The following KLHL6 variants were observed in gnomAD, a reference collection of about 807,000 sequenced individuals.
KLHL6 encodes kelch-like protein 6.
KLHL6 carries 41 observed loss-of-function variants against 58.6 expected under a neutral mutation model. That is an observed-to-expected ratio of 0.70 (90% CI 0.55 to 0.91). KLHL6 has a LOEUF of 0.91. Ranked by LOEUF, KLHL6 falls within the 40% of genes least tolerant of loss-of-function variation. The pLI, the probability that KLHL6 is intolerant of heterozygous loss-of-function variation, is 0.00. For synonymous variants in KLHL6, 338 were observed against 322.7 expected (o/e 1.05, Z -0.51); for missense variants, 714 against 805.6 (o/e 0.89, Z 1.38).
At position 183,489,690 on chromosome 3, in the gene KLHL6, T is replaced by C. The variant is rs564535508; in HGVS notation, c.*2237A>G. Reference sequence around the variant, plus strand: ...CTAAAATTCCACAAATATGTTTCTATTGCCCTGTGTTACTTTCCACAGCAG... The same window carrying C: ...CTAAAATTCCACAAATATGTTTCTACTGCCCTGTGTTACTTTCCACAGCAG... On this transcript the variant is annotated 3_prime_UTR_variant, in exon 7 of 7. Coordinates refer to ENST00000341319, the MANE Select transcript of KLHL6 (RefSeq NM_130446.4). The C allele has an allele frequency of 2.0e-5, 3 of 152,344 alleles. No individual in the cohort carries two copies. Among genetic ancestry groups the C allele is most frequent in the African/African-American group, 7.2e-5 (3 of 41,586 alleles). The allele number at this position is 152,344 out of a possible 1,614,324, so 9.4% of individuals were successfully genotyped here.
intron 2 of KLHL6, among the ~76,000 whole-genome samples, chr3:183,523,310 TG>T (rs1382273785): frequency 6.6e-6 from 1 of 152,238 alleles, no homozygotes; most frequent in Non-Finnish European, 1.5e-5. Flanking sequence ...ATTAGCCTCA[TG>T]CGCATTCATC....
In KLHL6 at chr3:183,492,205, C is replaced by G. The variant is rs200447774; in HGVS notation, c.1588G>C (p.Ala530Pro). The G allele has an allele frequency of 6.2e-7, 1 of 1,607,620 alleles. No individual in the cohort carries two copies. Among genetic ancestry groups the G allele is most frequent in the East Asian group, 2.2e-5 (1 of 44,756 alleles). The change falls in exon 7 of 7, where the codon GCC becomes CCC. Residue 530 changes from alanine to proline, a missense_variant. By Grantham distance (27) the Ala-to-Pro change is conservative. Coordinates refer to ENST00000341319, the MANE Select transcript of KLHL6 (RefSeq NM_130446.4). The surrounding 1 kb of genome is among the most constrained non-coding windows in gnomAD (Gnocchi z 5.9). ...CAGCTGTCTTCCAGCGGGCTGTAGG[C>G]GTACAGCGCTCTCATGGCCCCACCT... ...VVGGAMRALY[A>P]YSPLEDSWCL...
At chr3:183,529,646 A>G (rs756429382) in intron 1 of KLHL6, among the ~76,000 whole-genome samples, 21 of 152,144 alleles carry the variant, frequency 1.4e-4, no homozygotes, top group Non-Finnish European at 2.5e-4. Context: ...TCTGGCCAAC[A>G]TGGTGAAACT....
chr3:183,551,181 A>G (rs1054569083), intron 1 of KLHL6, among the ~76,000 whole-genome samples: 18 of 151,926 alleles, frequency 1.2e-4, no homozygotes, highest in Admixed American at 1.1e-3. Flanking sequence ...TTATTGGAGA[A>G]TGTGCTTATC....
chr3:183,523,337 G>C lies in KLHL6; in HGVS notation c.459+4508C>G, dbSNP rs554334698. Among the ~76,000 whole-genome samples the C allele has an allele frequency of 2.9e-3, 448 of 152,278 alleles. 2 individuals are homozygous for C. The highest frequency in any genetic ancestry group is 4.3e-3 in the Non-Finnish European group (293 of 68,020). ...CGCATTCATCCTATTGTAAACAAAG[G>C]CAATCCTAGGGAAATAAGCAACACT... On this transcript the variant is annotated intron_variant, in intron 2 of 6. Coordinates refer to ENST00000341319, the MANE Select transcript of KLHL6 (RefSeq NM_130446.4).
intron 1 of KLHL6, among the ~76,000 whole-genome samples, chr3:183,534,824 C>T (rs1033377902): frequency 4.6e-5 from 7 of 151,616 alleles, no homozygotes; most frequent in Admixed American, 3.3e-4. Flanking sequence ...ATGACTAATG[C>T]GATAACTTAC....
chr3:183,540,975 A>G (rs187656272), intron 1 of KLHL6, among the ~76,000 whole-genome samples: 43 of 151,982 alleles, frequency 2.8e-4, no homozygotes, highest in African/African-American at 9.9e-4. Flanking sequence ...GAGGCTCCAC[A>G]TGACCCTCTT....
intron 1 of KLHL6, among the ~76,000 whole-genome samples, chr3:183,539,831 C>A (rs1019330116): frequency 6.6e-6 from 1 of 152,164 alleles, no homozygotes; most frequent in Admixed American, 6.5e-5. Flanking sequence ...CCTAGGGAAG[C>A]AGAATCCCTC....
chr3:183,491,929 A>G lies in KLHL6; in HGVS notation c.1864T>C (p.Ter622ArgextTer42). 4 of 1,475,634 alleles carry G rather than the reference A, an allele frequency of 2.7e-6. No homozygotes were observed. Among genetic ancestry groups the G allele is most frequent in the Non-Finnish European group, 3.6e-6 (4 of 1,109,212 alleles). 91.4% of individuals were successfully genotyped at this position (1,475,634 alleles called of 1,614,324 possible). A position where few individuals can be genotyped will look rare whatever the true frequency, so the allele number is the denominator to read the frequency against. Residue 622 changes from the stop codon to arginine (R), a stop_lost, in exon 7 of 7, where the codon TGA (stop) becomes CGA (arginine). Coordinates refer to ENST00000341319, the MANE Select transcript of KLHL6 (RefSeq NM_130446.4). ...RRIVPGAVSV[*>R] The stretch of plus-strand genomic sequence containing the variant: ...CTCTCCAGCTCCCCATCCTGCCGTC[A>G]GACAGACACTGCTCCGGGCACGATC...
At chr3:183,533,666 G>A (rs1712231744) in intron 1 of KLHL6, among the ~76,000 whole-genome samples, 1 of 152,112 alleles carries the variant, frequency 6.6e-6, no homozygotes, top group South Asian at 2.1e-4. Context: ...GACTTCCAGA[G>A]AGAGAACGAG....
chr3:183,519,825 G>A lies in KLHL6; in HGVS notation c.459+8020C>T, dbSNP rs1472206744. On this transcript the variant is annotated intron_variant, in intron 2 of 6. Transcript: ENST00000341319. Reference sequence around the variant, plus strand: ...GTAGGAAAATCTCTTGAGCCTGGGAGTTCAAGGCTGCAGTGAGCTATGATT... The same window carrying A: ...GTAGGAAAATCTCTTGAGCCTGGGAATTCAAGGCTGCAGTGAGCTATGATT... 3.4e-5 allele frequency among the ~76,000 whole-genome samples: 5 copies of A among 144,936 alleles called. No homozygotes were observed. In the Admixed American group the frequency reaches 3.6e-4, roughly 10 times the overall value.
At chr3:183,511,830 G>C (rs1020668663) in intron 2 of KLHL6, among the ~76,000 whole-genome samples, 1 of 152,124 alleles carries the variant, frequency 6.6e-6, no homozygotes, top group Non-Finnish European at 1.5e-5. Context: ...AGCATCTCAG[G>C]GCAGAGCAAT....
rs550380154 is a variant in KLHL6, at chr3:183,501,694, G to C, written c.910-1867C>G. ...TGCTGGCTAAATTTCCTGGGTCCCT[G>C]CCTGCTGCCTGGATCTCCCCATAAT... On this transcript the variant is annotated intron_variant, in intron 3 of 6. Transcript: ENST00000341319. Among the ~76,000 whole-genome samples the C allele has an allele frequency of 5.3e-5, 8 of 152,212 alleles. No individual in the cohort carries two copies. In the South Asian group the frequency reaches 1.0e-3, roughly 20 times the overall value.
intron 4 of KLHL6, among the ~76,000 whole-genome samples, chr3:183,498,901 C>A (rs1453067097): frequency 3.3e-5 from 5 of 152,228 alleles, no homozygotes; most frequent in African/African-American, 1.2e-4. Flanking sequence ...AGGGGAAGGG[C>A]AGACGTGTTT....
rs1360208687 is a variant in KLHL6, at chr3:183,508,061, C to G, written c.907G>C (p.Glu303Gln). ...EARMYHLSGN[E>Q]IISERTKPRM... ...AGCACCTCTTATCTTCTACTCACCT[C>G]ATTGCCAGAAAGGTGGTACATCCTG... Residue 303 changes from glutamate (E) to glutamine (Q), a missense_variant and splice_region_variant, in exon 3 of 7, where the codon GAG (glutamate) becomes CAG (glutamine). Physicochemically the swap from Glu to Gln is conservative, Grantham distance 29 (BLOSUM62 2). This residue lies in a region of KLHL6 where 510 missense variants were observed against 629.7 expected (regional missense o/e 0.81). Coordinates refer to ENST00000341319, the MANE Select transcript of KLHL6 (RefSeq NM_130446.4). 1 of 1,613,118 alleles carries G rather than the reference C, an allele frequency of 6.2e-7. No homozygotes were observed. Among genetic ancestry groups the G allele is most frequent in the East Asian group, 2.2e-5 (1 of 44,864 alleles).
At chr3:183,500,246 A>G (rs1453342837) in intron 3 of KLHL6, among the ~76,000 whole-genome samples, 2 of 152,074 alleles carry the variant, frequency 1.3e-5, no homozygotes, top group Admixed American at 1.3e-4. Flanking sequence ...TCTTGATGAT[A>G]CCTCAGACTT....
At chr3:183,494,032 C>T (rs781272077) in intron 5 of KLHL6, 47 bp downstream of exon 5, 5 of 1,538,158 alleles carry the variant, frequency 3.3e-6, no homozygotes, top group Non-Finnish European at 4.5e-6. Flanking sequence ...TAAAAAAGCA[C>T]TGAAGTAATA....
intron 2 of KLHL6, among the ~76,000 whole-genome samples, chr3:183,526,824 C>T (rs536788319): frequency 1.0e-3 from 159 of 152,154 alleles, no homozygotes; most frequent in Middle Eastern, 6.8e-3. Flanking sequence ...GTTGGCTGGG[C>T]ACGATGGCTC....
At chr3:183,518,540 T>C (rs1711632576) in intron 2 of KLHL6, among the ~76,000 whole-genome samples, 1 of 152,162 alleles carries the variant, frequency 6.6e-6, no homozygotes, top group Admixed American at 6.5e-5. Flanking sequence ...GGATTTTCAT[T>C]ACAATTAAAA....
Sources: allele counts gnomAD v4.1 joint callset (sites outside exome capture counted in the v4.1 genomes callset), GRCh38; gene constraint gnomAD v4.1.1; regional missense constraint gnomAD v4.1.1; non-coding constraint Gnocchi (gnomAD v3.1); transcripts MANE v1.5; gene names NCBI Gene and HGNC (gene_info 2026-07-23, HGNC 2026-07-21).